Variants in MEI4 observed in about 807,000 individuals in gnomAD.
MEI4 encodes meiotic double-stranded break formation protein 4, also known as meiosis-specific protein MEI4.
Under a neutral mutation model 31.4 loss-of-function variants are expected in MEI4, and 27 were observed. That is an observed-to-expected ratio of 0.86 (90% confidence interval 0.63 to 1.19). The LOEUF is 1.19. MEI4 is among the 50% of genes most tolerant of loss of function. MEI4 has a pLI of 0.00. For synonymous variants in MEI4, 122 were observed against 145.4 expected (o/e 0.84, Z 1.16); for missense variants, 329 against 398.9 (o/e 0.82, Z 1.49).
chr6:77,748,568 C>T (rs530399765), intron 2 of MEI4, among the ~76,000 whole-genome samples: 4 of 152,216 alleles, frequency 2.6e-5, no homozygotes, highest in Admixed American at 6.5e-5. Context: ...CCTGGGGGCC[C>T]GTGATGGGAG....
At chr6:77,704,660 G>A (rs983409478) in intron 2 of MEI4, among the ~76,000 whole-genome samples, 1 of 152,088 alleles carries the variant, frequency 6.6e-6, no homozygotes. Context: ...CCCCCCAGGT[G>A]ATTCTCATGA....
intron 1 of MEI4, among the ~76,000 whole-genome samples, chr6:77,664,296 TG>T (rs1190704691): frequency 6.6e-6 from 1 of 152,214 alleles, no homozygotes; most frequent in African/African-American, 2.4e-5. Context: ...TTTGACTTTT[TG>T]GGGTCTAGGG....
intron 2 of MEI4, among the ~76,000 whole-genome samples, chr6:77,739,118 C>A (rs1385373848): frequency 5.3e-5 from 8 of 152,102 alleles, no homozygotes; most frequent in Non-Finnish European, 1.2e-4. Flanking sequence ...GCTTTTGTTG[C>A]AATAGCTTTT....
intron 2 of MEI4, among the ~76,000 whole-genome samples, chr6:77,712,365 G>A (rs980376563): frequency 1.3e-5 from 2 of 151,906 alleles, no homozygotes; most frequent in African/African-American, 4.8e-5. Context: ...GTAGTTCTGT[G>A]GTACATGCTT....
At chr6:77,900,878 C>G (rs1766174557) in intron 4 of MEI4, among the ~76,000 whole-genome samples, 1 of 151,836 alleles carries the variant, frequency 6.6e-6, no homozygotes, top group African/African-American at 2.4e-5. Flanking sequence ...ACCCTTATTC[C>G]TCGGTCTCTG....
chr6:77,746,638 C>CATGT (rs770194920), intron 2 of MEI4, among the ~76,000 whole-genome samples: 1 of 136,544 alleles, frequency 7.3e-6, no homozygotes, highest in Non-Finnish European at 1.6e-5. Flanking sequence ...AAATATATGG[C>CATGT]GTGTGTGTGT....
chr6:77,736,263 A>T (rs529355770), intron 2 of MEI4, among the ~76,000 whole-genome samples: 11 of 151,800 alleles, frequency 7.2e-5, no homozygotes, highest in African/African-American at 1.2e-4. Context: ...TTGATCTCAG[A>T]GGGCTGTGCT....
At chr6:77,914,427 A>ATAT (rs1159394187) in intron 4 of MEI4, among the ~76,000 whole-genome samples, 6 of 151,990 alleles carry the variant, frequency 3.9e-5, no homozygotes, top group Non-Finnish European at 8.8e-5. Flanking sequence ...TACTGATTTT[A>ATAT]TATTTTATTC....
chr6:77,684,879 G>T (rs1034799203), intron 1 of MEI4, among the ~76,000 whole-genome samples: 2 of 152,122 alleles, frequency 1.3e-5, no homozygotes, highest in African/African-American at 4.8e-5. Context: ...AAGTGAGATT[G>T]CTGCACATAT....
At chr6:77,703,151 T>A (rs1181253372) in intron 2 of MEI4, among the ~76,000 whole-genome samples, 1 of 152,216 alleles carries the variant, frequency 6.6e-6, no homozygotes, top group Non-Finnish European at 1.5e-5. Flanking sequence ...TGGAGGGACA[T>A]GTTCGGTGGT....
At chr6:77,735,168 T>G (rs1767149494) in intron 2 of MEI4, among the ~76,000 whole-genome samples, 1 of 152,036 alleles carries the variant, frequency 6.6e-6, no homozygotes, top group Admixed American at 6.5e-5. Context: ...TTCCTGAATT[T>G]GAATGTTGGC....
intron 1 of MEI4, among the ~76,000 whole-genome samples, chr6:77,653,610 C>T (rs1768337022): frequency 6.6e-6 from 1 of 152,102 alleles, no homozygotes; most frequent in Non-Finnish European, 1.5e-5. Context: ...AGCCTAAAAT[C>T]ACTCCTGTCA....
chr6:77,923,602 A>G lies in MEI4; in HGVS notation c.*256A>G, dbSNP rs568774613. The G allele has an allele frequency of 4.5e-5, 11 of 246,956 alleles. No individual in the cohort carries two copies. The East Asian group carries it at 7.9e-4, about 18-fold the overall frequency. The allele number at this position is 246,956 out of a possible 1,614,324, so 15.3% of individuals were successfully genotyped here. A position where few individuals can be genotyped will look rare whatever the true frequency, so the allele number is the denominator to read the frequency against. ...GTAACTGTATCTTATTTCACTCAAT[A>G]TAGTTTAGCTCTATTATTCTGTAAA... On this transcript the variant is annotated 3_prime_UTR_variant, in exon 5 of 5. Transcript: ENST00000684080.
intron 1 of MEI4, among the ~76,000 whole-genome samples, chr6:77,674,741 T>TA (rs1768808806): frequency 1.3e-5 from 2 of 151,706 alleles, no homozygotes; most frequent in African/African-American, 2.4e-5. Context: ...CCTCCCAGAT[T>TA]AAAAAAAATA....
intron 1 of MEI4, among the ~76,000 whole-genome samples, chr6:77,686,875 C>CTTTTTTTTTTTTTTTTTTTTTTTTTGT (rs70974681): frequency 7.5e-6 from 1 of 132,488 alleles, no homozygotes; most frequent in Non-Finnish European, 1.6e-5. Context: ...GTCTGTGGCT[C>CTTTTTTTTTTTTTTTTTTTTTTTTTGT]TTTTTTTTTG....
intron 2 of MEI4, among the ~76,000 whole-genome samples, chr6:77,719,626 C>T (rs1210468047): frequency 5.8e-5 from 7 of 120,982 alleles, no homozygotes; most frequent in African/African-American, 2.3e-4. Flanking sequence ...GAATTAAGGG[C>T]GGGAAAGGCA....
intron 4 of MEI4, among the ~76,000 whole-genome samples, chr6:77,845,597 CTTTTTA>C (rs1770463540): frequency 6.6e-6 from 1 of 152,058 alleles, no homozygotes; most frequent in South Asian, 2.1e-4. Flanking sequence ...CTAACTTTTT[CTTTTTA>C]TTTGGGATAT....
intron 1 of MEI4, among the ~76,000 whole-genome samples, chr6:77,688,473 T>C (rs1769099105): frequency 6.6e-6 from 1 of 152,154 alleles, no homozygotes; most frequent in Non-Finnish European, 1.5e-5. Flanking sequence ...TGATCTTTCT[T>C]TCTGATAGCT....
At chr6:77,805,256 T>C (rs1212426166) in intron 3 of MEI4, among the ~76,000 whole-genome samples, 2 of 152,072 alleles carry the variant, frequency 1.3e-5, no homozygotes, top group African/African-American at 4.8e-5. Flanking sequence ...TTCTGTACAG[T>C]AGTGCTTTGA....
Sources: gnomAD v4.1 joint callset for allele counts (sites outside exome capture counted in the v4.1 genomes callset) on GRCh38, gnomAD v4.1.1 for gene constraint, MANE v1.5 for transcripts, NCBI Gene and HGNC (gene_info 2026-07-23, HGNC 2026-07-21) for gene names.